The following PRKCA variants were observed in gnomAD, a reference collection of about 807,000 sequenced individuals.
PRKCA encodes the protein protein kinase C alpha type.
A neutral mutation model predicts 87.0 loss-of-function variants in PRKCA; 27 were observed. The ratio of observed to expected loss-of-function variants is 0.31; its 90% CI spans 0.23 to 0.43. The LOEUF (loss-of-function observed/expected upper bound fraction) is 0.43. Ranked by LOEUF, PRKCA falls within the 20% of genes least tolerant of loss-of-function variation. The probability of loss-of-function intolerance (pLI) is 1.00; values close to 1 mark genes in which losing one functional copy is unlikely to be tolerated. For synonymous variants in PRKCA, 329 were observed against 311.1 expected, an observed-to-expected ratio of 1.06 and a Z score of -0.61; for missense variants, 518 against 852.3, an observed-to-expected ratio of 0.61 and a Z score of 4.88.
At chr17:66,534,818 C>T (rs914682595) in intron 3 of PRKCA, among the ~76,000 whole-genome samples, 9 of 152,196 alleles carry the variant, frequency 5.9e-5, no homozygotes, top group Non-Finnish European at 1.2e-4. Context: ...TGATTCTTTA[C>T]TGACAGTGAC....
chr17:66,740,044 G>A (rs548036273), intron 11 of PRKCA, among the ~76,000 whole-genome samples: 1 of 152,224 alleles, frequency 6.6e-6, no homozygotes, highest in Admixed American at 6.5e-5. Flanking sequence ...CACCCTGGAG[G>A]AAGAAAAGCA....
At chr17:66,572,436 C>G (rs1598780870) in intron 3 of PRKCA, among the ~76,000 whole-genome samples, 1 of 152,056 alleles carries the variant, frequency 6.6e-6, no homozygotes, top group East Asian at 1.9e-4. Context: ...CATGACACTC[C>G]AGTCTGGGCC....
intron 3 of PRKCA, among the ~76,000 whole-genome samples, chr17:66,608,039 T>C (rs895392008): frequency 6.6e-6 from 1 of 152,200 alleles, no homozygotes; most frequent in African/African-American, 2.4e-5. Context: ...TGCTGATTAT[T>C]GCATCCAGAG....
Position 66,441,118 on chromosome 17 carries a change from C to T in PRKCA, c.206-55083C>T, listed in dbSNP as rs143001422. Reference sequence around the variant, plus strand: ...CGGATGTTGCATTGAGCCCAGATCGCGGCACTGCACTCCAGCCTGGGAGAC... The same window carrying T: ...CGGATGTTGCATTGAGCCCAGATCGTGGCACTGCACTCCAGCCTGGGAGAC... On this transcript the variant is annotated intron_variant, in intron 2 of 16. Transcript: ENST00000413366. Among the ~76,000 whole-genome samples, 468 of 143,504 alleles carry T rather than the reference C, an allele frequency of 3.3e-3. 5 individuals carry two copies. The highest frequency in any genetic ancestry group is 0.012 in the African/African-American group (452 of 37,676). The allele number at this position is 143,504 out of a possible 152,430, so 94.1% of individuals were successfully genotyped here. A position where few individuals can be genotyped will look rare whatever the true frequency, so the allele number is the denominator to read the frequency against.
chr17:66,391,430 C>G (rs1479804153), intron 2 of PRKCA, among the ~76,000 whole-genome samples: 2 of 152,200 alleles, frequency 1.3e-5, no homozygotes, highest in African/African-American at 4.8e-5. Context: ...TATGGCATCT[C>G]CAGTGGTGTC....
Position 66,566,409 on chromosome 17 carries a change from C to T in PRKCA, c.288+70126C>T, listed in dbSNP as rs1304233797. On this transcript the variant is annotated intron_variant, in intron 3 of 16. Transcript: ENST00000413366. The stretch of plus-strand genomic sequence containing the variant: ...AGCAGAGAATATACTTTTAGATGAG[C>T]ACACTTTAAAATACCAGTAAGACAG... Among the ~76,000 whole-genome samples, 3 of 151,036 alleles carry T rather than the reference C, an allele frequency of 2.0e-5. No individual in the cohort carries two copies. In the East Asian group the frequency reaches 5.8e-4, roughly 29 times the overall value.
intron 3 of PRKCA, among the ~76,000 whole-genome samples, chr17:66,604,507 A>G (rs1467136412): frequency 6.6e-6 from 1 of 152,204 alleles, no homozygotes; most frequent in Non-Finnish European, 1.5e-5. Context: ...GCTGGATGAA[A>G]TTGTGTCTGG....
chr17:66,688,880 G>T (rs552634299), intron 7 of PRKCA, 71 bp from the exon 8 acceptor site: 3 of 964,000 alleles, frequency 3.1e-6, no homozygotes, highest in Non-Finnish European at 4.9e-6. Flanking sequence ...TCACAAAACC[G>T]CTCGACTAGA....
chr17:66,646,128 G>A (rs777217830), intron 5 of PRKCA, among the ~76,000 whole-genome samples: 1 of 152,168 alleles, frequency 6.6e-6, no homozygotes, highest in Non-Finnish European at 1.5e-5. Flanking sequence ...GCTGGGATAG[G>A]AATGGAGGCA....
intron 3 of PRKCA, among the ~76,000 whole-genome samples, chr17:66,529,751 A>G (rs1345166869): frequency 6.6e-6 from 1 of 152,164 alleles, no homozygotes; most frequent in Non-Finnish European, 1.5e-5. Context: ...GCCATTGCTC[A>G]TTTTTATGAG....
At chr17:66,453,937 G>A (rs955674813) in intron 2 of PRKCA, among the ~76,000 whole-genome samples, 1 of 152,120 alleles carries the variant, frequency 6.6e-6, no homozygotes, top group African/African-American at 2.4e-5. Flanking sequence ...GTGTATTTGG[G>A]CTAAATTAAT....
At chr17:66,340,854 C>T (rs1042790942) in intron 2 of PRKCA, among the ~76,000 whole-genome samples, 1 of 151,972 alleles carries the variant, frequency 6.6e-6, no homozygotes, top group Non-Finnish European at 1.5e-5. Context: ...GTAGGGTAGC[C>T]AGTTGAAGTC....
At chr17:66,424,653 AATGT>A (rs1304162670) in intron 2 of PRKCA, among the ~76,000 whole-genome samples, 1 of 151,780 alleles carries the variant, frequency 6.6e-6, no homozygotes, top group Admixed American at 6.6e-5. Context: ...TGGAAAAATC[AATGT>A]ATGAAAGATC....
intron 3 of PRKCA, among the ~76,000 whole-genome samples, chr17:66,541,634 A>G (rs938710603): frequency 3.3e-5 from 5 of 152,254 alleles, no homozygotes; most frequent in Non-Finnish European, 7.3e-5. Flanking sequence ...TCCACGCCTC[A>G]TGGCACTTTG....
In PRKCA at chr17:66,376,444, C is replaced by A. The variant is rs531933608; in HGVS notation, c.205+70317C>A. ...CCAACATGGTAAAACCCCATCTCTTCTAAAACTACAAAAATTATCTGGGCA... is the reference window on the plus strand; with the variant it reads ...CCAACATGGTAAAACCCCATCTCTTATAAAACTACAAAAATTATCTGGGCA... On this transcript the variant is annotated intron_variant, in intron 2 of 16. Transcript: ENST00000413366. Among the ~76,000 whole-genome samples, 7 of 152,246 alleles carry A rather than the reference C, an allele frequency of 4.6e-5. No individual in the cohort carries two copies. In the East Asian group the frequency reaches 1.4e-3, roughly 29 times the overall value.
intron 2 of PRKCA, among the ~76,000 whole-genome samples, chr17:66,367,912 C>A (rs140361725): frequency 6.6e-6 from 1 of 152,164 alleles, no homozygotes; most frequent in Non-Finnish European, 1.5e-5. Context: ...CCTAAATAAG[C>A]ACTTAAGAGG....
intron 3 of PRKCA, among the ~76,000 whole-genome samples, chr17:66,514,158 G>T (rs924952264): frequency 1.3e-5 from 2 of 152,030 alleles, no homozygotes; most frequent in Non-Finnish European, 2.9e-5. Context: ...TTTAACATGG[G>T]TATGTACATA....
intron 3 of PRKCA, among the ~76,000 whole-genome samples, chr17:66,589,983 G>A (rs898737391): frequency 3.9e-5 from 6 of 152,130 alleles, no homozygotes; most frequent in Non-Finnish European, 2.9e-5. Flanking sequence ...TCATGCCGCC[G>A]GTGATCTGAC....
intron 8 of PRKCA, among the ~76,000 whole-genome samples, chr17:66,694,792 G>A (rs1162612544): frequency 7.1e-6 from 1 of 141,088 alleles, no homozygotes; most frequent in Non-Finnish European, 1.5e-5. Context: ...AAAAAAAAAA[G>A]GTATCTTCTA....
Sources: allele counts gnomAD v4.1 joint callset (sites outside exome capture counted in the v4.1 genomes callset), GRCh38; gene constraint gnomAD v4.1.1; transcripts MANE v1.5; gene names NCBI Gene and HGNC (gene_info 2026-07-23, HGNC 2026-07-21).